The following RAB27B variants were observed in gnomAD, a reference collection of about 807,000 sequenced individuals.
RAB27B encodes ras-related protein Rab-27B.
RAB27B carries 15 observed loss-of-function variants against 24.6 expected under a neutral mutation model. The observed-to-expected ratio is 0.61, with a 90% CI of 0.41 to 0.94. The LOEUF (loss-of-function observed/expected upper bound fraction) is 0.94. RAB27B is among the 40% of genes least tolerant of loss of function. The pLI, the probability that RAB27B is intolerant of heterozygous loss-of-function variation, is 0.00. For synonymous variants in RAB27B, 105 were observed against 92.5 expected (o/e 1.14, Z -0.78); for missense variants, 261 against 266.8 (o/e 0.98, Z 0.15).
chr18:54,765,720 T>TC (rs1166327109), intron 2 of RAB27B, among the ~76,000 whole-genome samples: 27 of 152,200 alleles, frequency 1.8e-4, no homozygotes, highest in Non-Finnish European at 5.9e-5. Flanking sequence ...CTTCTTCCTT[T>TC]CCTTTCCCCA....
At chr18:54,839,148 A>G (rs767109919) in intron 1 of RAB27B, among the ~76,000 whole-genome samples, 2 of 152,132 alleles carry the variant, frequency 1.3e-5, no homozygotes, top group Non-Finnish European at 2.9e-5. Context: ...TTGATGTTAA[A>G]CCCTTGACTA....
intron 2 of RAB27B, among the ~76,000 whole-genome samples, chr18:54,804,904 C>CTTTCTTTCTTTCTT (rs1555658013): frequency 6.2e-5 from 3 of 48,022 alleles, no homozygotes; most frequent in Admixed American, 2.0e-4. Flanking sequence ...CTTTCTCTCT[C>CTTTCTTTCTTTCTT]TCTTTCTTTC....
At chr18:54,770,485 G>T (rs1908509642) in intron 2 of RAB27B, among the ~76,000 whole-genome samples, 1 of 151,902 alleles carries the variant, frequency 6.6e-6, no homozygotes, top group African/African-American at 2.4e-5. Flanking sequence ...CCATCTAGTT[G>T]CAGAACAAGC....
At chr18:54,771,777 A>T (rs1908560120) in intron 2 of RAB27B, among the ~76,000 whole-genome samples, 1 of 152,168 alleles carries the variant, frequency 6.6e-6, no homozygotes, top group African/African-American at 2.4e-5. Flanking sequence ...AGCCAGGCTG[A>T]GGAGAAATCT....
intron 2 of RAB27B, among the ~76,000 whole-genome samples, chr18:54,739,536 CTTTCTTTT>C (rs1429275227): frequency 6.9e-6 from 1 of 145,658 alleles, no homozygotes; most frequent in Non-Finnish European, 1.5e-5. Context: ...TAAATTCTTT[CTTTCTTTT>C]TTTCTTTCTT....
At chr18:54,814,807 A>G (rs779912056) in intron 2 of RAB27B, among the ~76,000 whole-genome samples, 13 of 152,240 alleles carry the variant, frequency 8.5e-5, no homozygotes, top group Non-Finnish European at 1.5e-4. Flanking sequence ...TTGAGTATAT[A>G]TACTACAAAT....
At chr18:54,807,631 T>G (rs1909833368) in intron 2 of RAB27B, among the ~76,000 whole-genome samples, 1 of 152,222 alleles carries the variant, frequency 6.6e-6, no homozygotes, top group African/African-American at 2.4e-5. Flanking sequence ...TTATAAGGAA[T>G]GACACCTTTG....
chr18:54,753,559 ATAAAG>A (rs1568053051), intron 2 of RAB27B, among the ~76,000 whole-genome samples: 1 of 152,342 alleles, frequency 6.6e-6, no homozygotes, highest in Non-Finnish European at 1.5e-5. Flanking sequence ...GGCAGCCACA[ATAAAG>A]TAGCCAGTCC....
At chr18:54,820,255 G>C (rs560538296) in intron 2 of RAB27B, among the ~76,000 whole-genome samples, 2 of 152,098 alleles carry the variant, frequency 1.3e-5, no homozygotes, top group African/African-American at 4.8e-5. Context: ...AAGTGTTCCT[G>C]TTTCTCCACA....
intron 2 of RAB27B, among the ~76,000 whole-genome samples, chr18:54,762,246 G>T (rs1001941929): frequency 1.3e-5 from 2 of 152,156 alleles, no homozygotes; most frequent in African/African-American, 2.4e-5. Flanking sequence ...CTGGAGTGCA[G>T]TGGCACCATC....
At chr18:54,846,103 A>G (rs1911325041) in intron 1 of RAB27B, among the ~76,000 whole-genome samples, 1 of 152,106 alleles carries the variant, frequency 6.6e-6, no homozygotes, top group Admixed American at 6.6e-5. Flanking sequence ...AATGTCCCCC[A>G]TGGTCAGCGC....
chr18:54,810,210 A>T (rs894849287), intron 2 of RAB27B, among the ~76,000 whole-genome samples: 5 of 152,062 alleles, frequency 3.3e-5, no homozygotes, highest in African/African-American at 1.2e-4. Context: ...TTGTGTGTAT[A>T]TTTTCTTGGT....
At chr18:54,759,932 C>G (rs1908130058) in intron 2 of RAB27B, among the ~76,000 whole-genome samples, 1 of 152,182 alleles carries the variant, frequency 6.6e-6, no homozygotes, top group Non-Finnish European at 1.5e-5. Flanking sequence ...CAATAAAATC[C>G]TCTGCATTTA....
chr18:54,805,890 C>A (rs1909776732), intron 2 of RAB27B, among the ~76,000 whole-genome samples: 1 of 152,076 alleles, frequency 6.6e-6, no homozygotes, highest in Non-Finnish European at 1.5e-5. Context: ...TAATTTAAGT[C>A]CTCAAATGCA....
intron 2 of RAB27B, among the ~76,000 whole-genome samples, chr18:54,801,890 C>T (rs1235801296): frequency 6.6e-6 from 1 of 152,228 alleles, no homozygotes; most frequent in Non-Finnish European, 1.5e-5. Flanking sequence ...ATTGTCAGTC[C>T]TATTTTTTTT....
At chr18:54,870,729 A>G (rs1912429140) in intron 1 of RAB27B, among the ~76,000 whole-genome samples, 1 of 152,220 alleles carries the variant, frequency 6.6e-6, no homozygotes, top group African/African-American at 2.4e-5. Context: ...TAAAAAGCCA[A>G]CTTAACAACC....
At chr18:54,878,113 C>T (rs1912779986) in intron 2 of RAB27B, among the ~76,000 whole-genome samples, 2 of 152,166 alleles carry the variant, frequency 1.3e-5, no homozygotes, top group Admixed American at 1.3e-4. Context: ...TTTCCCTACT[C>T]TTAAGAAAGA....
chr18:54,759,630 T>C (rs1355763172), intron 2 of RAB27B, among the ~76,000 whole-genome samples: 1 of 152,210 alleles, frequency 6.6e-6, no homozygotes, highest in African/African-American at 2.4e-5. Flanking sequence ...AGTGAGAATG[T>C]GCATTCCTGT....
chr18:54,772,336 T>G (rs1288881547), intron 2 of RAB27B, among the ~76,000 whole-genome samples: 1 of 152,212 alleles, frequency 6.6e-6, no homozygotes, highest in African/African-American at 2.4e-5. Context: ...AGGGGGTGAC[T>G]AACAAAGTGG....
Sources: allele counts gnomAD v4.1 joint callset (sites outside exome capture counted in the v4.1 genomes callset), GRCh38; gene constraint gnomAD v4.1.1; transcripts MANE v1.5; gene names NCBI Gene and HGNC (gene_info 2026-07-23, HGNC 2026-07-21).